Variants in P2RX5 observed in about 807,000 individuals in gnomAD.
P2RX5 encodes purinergic receptor P2X 5.
Under a neutral mutation model 54.1 loss-of-function variants are expected in P2RX5, and 46 were observed. The ratio of observed to expected loss-of-function variants is 0.85; its 90% CI spans 0.67 to 1.09. The LOEUF is 1.09. Among genes scored for constraint, P2RX5 ranks in the 50% least tolerant of loss-of-function variants. The pLI is 0.00. For synonymous variants in P2RX5, 226 were observed against 226.4 expected (o/e 1.00, Z 0.02); for missense variants, 566 against 549.8 (o/e 1.03, Z -0.29).
the P2RX5 span, among the ~76,000 whole-genome samples, chr17:3,714,082 C>CCT: frequency 1.3e-5 from 2 of 151,684 alleles, no homozygotes; most frequent in African/African-American, 4.8e-5. Flanking sequence ...CACCTGCCAC[C>CCT]GCACCCGGCT....
upstream of P2RX5, among the ~76,000 whole-genome samples, chr17:3,701,023 C>A (rs1309259155): frequency 1.3e-5 from 2 of 152,170 alleles, no homozygotes; most frequent in African/African-American, 4.8e-5. Context: ...TCACAGGAGT[C>A]CACATCACGC....
At chr17:3,699,918 GA>G (rs1161011507), upstream of P2RX5, among the ~76,000 whole-genome samples, 1,660 of 49,020 alleles carry the variant, frequency 0.034, 21 homozygotes, top group African/African-American at 0.079. Flanking sequence ...AGGAAGGAAG[GA>G]AAGAAAGAAA....
chr17:3,697,807 C>T (rs1425391988), upstream of P2RX5, among the ~76,000 whole-genome samples: 3 of 152,266 alleles, frequency 2.0e-5, 1 homozygote, highest in Non-Finnish European at 4.4e-5. Flanking sequence ...TATTGCCCAC[C>T]CAAAGTAGCC....
intron 9 of P2RX5, chr17:3,682,236 C>T: frequency 1.9e-6 from 1 of 514,428 alleles, no homozygotes; most frequent in South Asian, 2.0e-5. Context: ...ACCCGGACCC[C>T]ATCCAATCGT....
chr17:3,697,014 T>C (rs160590), upstream of P2RX5, among the ~76,000 whole-genome samples: 34,481 of 151,828 alleles, frequency 0.23, 4,960 homozygotes, highest in South Asian at 0.48. Context: ...CTGCGACTAA[T>C]GCGCGTTTCT....
At chr17:3,715,159 C>G in the P2RX5 span, among the ~76,000 whole-genome samples, 1 of 152,244 alleles carries the variant, frequency 6.6e-6, no homozygotes, top group Non-Finnish European at 1.5e-5. Flanking sequence ...CCACCTTCCT[C>G]TGAACCCTGC....
Position 3,679,654 on chromosome 17 carries a change from T to A in P2RX5, c.1195A>T (p.Lys399Ter), listed in dbSNP as rs1245016961. Residue 399 changes from lysine to a stop codon, truncating the protein, a stop_gained, in exon 11 of 12, where the codon AAG becomes TAG. Coordinates refer to ENST00000225328, the MANE Select transcript of P2RX5 (RefSeq NM_002561.4). LOFTEE classifies it high-confidence loss of function. Reference sequence around the variant, plus strand: ...CCCTTCTGACTGCTGCTTCCACGCTTCGCCTCGGGTGGCTCCTGCAGCTCC... The same window carrying A: ...CCCTTCTGACTGCTGCTTCCACGCTACGCCTCGGGTGGCTCCTGCAGCTCC... ...QQELQEPPEA[K>*]RGSSSQKGNG... 6.2e-7 allele frequency: 1 copy of A among 1,610,804 alleles called. No homozygotes were observed. Among genetic ancestry groups the A allele is most frequent in the Non-Finnish European group, 8.5e-7 (1 of 1,179,826 alleles).
chr17:3,684,344 C>T (rs1441233497), intron 9 of P2RX5, among the ~76,000 whole-genome samples: 1 of 152,256 alleles, frequency 6.6e-6, no homozygotes, highest in African/African-American at 2.4e-5. Flanking sequence ...TGGCTCACGC[C>T]CATAATCCCA....
the P2RX5 span, chr17:3,715,061 A>G: frequency 1.6e-6 from 1 of 626,364 alleles, no homozygotes; most frequent in Non-Finnish European, 2.8e-6. Context: ...CATACTTACT[A>G]CTCCCTTCTC....
intron 9 of P2RX5, among the ~76,000 whole-genome samples, chr17:3,684,974 C>T (rs781373358): frequency 6.6e-6 from 1 of 151,596 alleles, no homozygotes; most frequent in East Asian, 2.0e-4. Context: ...GCCTCCTGAG[C>T]AGCTGGGATT....
the P2RX5 span, chr17:3,723,225 T>A: frequency 9.0e-7 from 1 of 1,115,398 alleles, no homozygotes; most frequent in Non-Finnish European, 1.4e-6. Context: ...CTATTATCTC[T>A]TCTAGGGGCG....
At chr17:3,711,605 C>T in the P2RX5 span, among the ~76,000 whole-genome samples, 1 of 152,052 alleles carries the variant, frequency 6.6e-6, no homozygotes, top group Non-Finnish European at 1.5e-5. Context: ...TGCTCTCAAG[C>T]TCCCGACCTC....
intron 9 of P2RX5, among the ~76,000 whole-genome samples, chr17:3,685,333 G>T (rs967240436): frequency 2.0e-5 from 3 of 152,192 alleles, no homozygotes; most frequent in Non-Finnish European, 4.4e-5. Context: ...GCTACCTGAG[G>T]ACAGCTGGCA....
intron 11 of P2RX5, 48 bp downstream of exon 11, chr17:3,679,542 T>C: frequency 6.4e-7 from 1 of 1,574,240 alleles, no homozygotes; most frequent in Non-Finnish European, 8.6e-7. Context: ...TGGGGACCCC[T>C]CTCTGCAGGA....
intron 11 of P2RX5, chr17:3,676,624 CCT>C: frequency 2.0e-6 from 2 of 984,078 alleles, no homozygotes; most frequent in Non-Finnish European, 2.4e-6. Flanking sequence ...GCCTTTTTCC[CCT>C]GAGAACCAGG....
Position 3,696,026 on chromosome 17 carries a change from T to G in P2RX5, c.-21A>C, listed in dbSNP as rs557697699. 4.3e-6 allele frequency: 7 copies of G among 1,612,420 alleles called. No individual in the cohort carries two copies. The South Asian group carries it at 5.5e-5, about 13-fold the overall frequency. The stretch of plus-strand genomic sequence containing the variant: ...CCCATGGCGCGCTCTCAGCCGGGCT[T>G]GCGGACCGCCCGGCCCACGTGCGCT... On this transcript the variant is annotated 5_prime_UTR_variant, in exon 1 of 12. Coordinates refer to ENST00000225328, the MANE Select transcript of P2RX5 (RefSeq NM_002561.4).
the P2RX5 span, chr17:3,722,479 TA>T: frequency 0.15 from 15,820 of 106,840 alleles, 3,108 homozygotes; most frequent in African/African-American, 0.47. Flanking sequence ...AGACTCCATC[TA>T]AAAAAAAAAA....
intron 11 of P2RX5, among the ~76,000 whole-genome samples, 200 bp downstream of exon 11, chr17:3,679,390 G>A (rs570834165): frequency 3.3e-5 from 5 of 152,270 alleles, no homozygotes; most frequent in African/African-American, 4.8e-5. Context: ...CCAGGGTCTC[G>A]GGAGCTAAGG....
the P2RX5 span, chr17:3,723,559 G>T: frequency 9.1e-7 from 1 of 1,096,348 alleles, no homozygotes; most frequent in Non-Finnish European, 1.3e-6. Context: ...CAGGGACGAA[G>T]CTAGGGAGGG....
Sources: allele counts gnomAD v4.1 joint callset (sites outside exome capture counted in the v4.1 genomes callset), GRCh38; gene constraint gnomAD v4.1.1; transcripts MANE v1.5; gene names NCBI Gene and HGNC (gene_info 2026-07-23, HGNC 2026-07-21).